The following TC2N variants were observed in gnomAD, a reference collection of about 807,000 sequenced individuals.
TC2N encodes tandem C2 domains, nuclear.
Under a neutral mutation model 61.9 loss-of-function variants are expected in TC2N, and 51 were observed. That is an observed-to-expected ratio of 0.82 (90% CI 0.66 to 1.04). TC2N has a LOEUF of 1.04. Among genes scored for constraint, TC2N ranks in the 50% least tolerant of loss-of-function variants. The probability of loss-of-function intolerance (pLI) is 0.00; values close to 1 mark genes in which losing one functional copy is unlikely to be tolerated. For missense variants in TC2N, 556 were observed against 566.7 expected (o/e 0.98, Z 0.19); for synonymous variants, 204 against 192.6 (o/e 1.06, Z -0.49).
chr14:91,801,080 G>A (rs996346924), intron 4 of TC2N, among the ~76,000 whole-genome samples: 71 of 111,406 alleles, frequency 6.4e-4, no homozygotes, highest in African/African-American at 1.5e-3. Flanking sequence ...ATGTGTGTGT[G>A]TATATATATA....
Position 91,836,688 on chromosome 14 carries a change from C to A in TC2N, c.-56-22863G>T, listed in dbSNP as rs532007409. Among the ~76,000 whole-genome samples the A allele has an allele frequency of 5.6e-3, 530 of 93,840 alleles. 2 individuals carry two copies. Among genetic ancestry groups the A allele is most frequent in the African/African-American group, 0.017 (490 of 29,292 alleles). 61.6% of individuals were successfully genotyped at this position (93,840 alleles called of 152,430 possible). A position where few individuals can be genotyped will look rare whatever the true frequency, so the allele number is the denominator to read the frequency against. On this transcript the variant is annotated intron_variant, in intron 1 of 11. Transcript: ENST00000435962. ...GGCTGGGCGCGGAGGGGCGGGGCCT[C>A]CCGCGTACCTGAGCCGCGCTGCGCC...
At chr14:91,856,874 G>T (rs938123711) in intron 1 of TC2N, among the ~76,000 whole-genome samples, 1 of 152,194 alleles carries the variant, frequency 6.6e-6, no homozygotes, top group Non-Finnish European at 1.5e-5. Flanking sequence ...CACAGAAGTG[G>T]TCTAAATTAG....
chr14:91,818,168 C>T lies in TC2N; in HGVS notation c.-56-4343G>A, dbSNP rs369396891. On this transcript the variant is annotated intron_variant, in intron 1 of 11. Transcript: ENST00000435962. ...TGAAAGTATGTGGAGAATAAGGCAG[C>T]GAGAGTTTGCATAACAGACTACTGT... is the stretch of plus-strand genomic sequence containing the variant. Among the ~76,000 whole-genome samples the T allele has an allele frequency of 2.2e-4, 33 of 152,066 alleles. No individual in the cohort carries two copies. The East Asian group carries it at 4.8e-3, about 22-fold the overall frequency.
At chr14:91,834,804 C>A (rs985972822) in intron 1 of TC2N, among the ~76,000 whole-genome samples, 2 of 152,192 alleles carry the variant, frequency 1.3e-5, no homozygotes, top group African/African-American at 4.8e-5. Context: ...CCTCAGACTC[C>A]TTGGCTGTCT....
intron 2 of TC2N, 62 bp from the exon 3 acceptor site, chr14:91,812,607 C>T (rs1435518683): frequency 3.8e-6 from 3 of 782,596 alleles, no homozygotes; most frequent in African/African-American, 1.8e-5. Context: ...ATAATCTAAA[C>T]CTAGCATACT....
intron 1 of TC2N, among the ~76,000 whole-genome samples, chr14:91,849,244 G>C (rs1888326786): frequency 6.6e-6 from 1 of 151,944 alleles, no homozygotes; most frequent in Non-Finnish European, 1.5e-5. Flanking sequence ...GAGTTGATTG[G>C]TTCATGAGAT....
At chr14:91,822,868 C>G (rs1887319153) in intron 1 of TC2N, among the ~76,000 whole-genome samples, 1 of 151,938 alleles carries the variant, frequency 6.6e-6, no homozygotes, top group Non-Finnish European at 1.5e-5. Context: ...GTGCCCACCA[C>G]CACGCATGGC....
intron 1 of TC2N, among the ~76,000 whole-genome samples, chr14:91,858,147 T>TTCG: frequency 1.1e-5 from 1 of 88,470 alleles, no homozygotes; most frequent in Admixed American, 1.3e-4. Context: ...TTCTTTCTTC[T>TTCG]TCTTCTTTTT....
intron 1 of TC2N, among the ~76,000 whole-genome samples, chr14:91,818,302 A>T (rs750722162): frequency 1.3e-5 from 2 of 152,150 alleles, no homozygotes; most frequent in Non-Finnish European, 2.9e-5. Context: ...GCTACACAAG[A>T]CTGCGGGAAA....
At chr14:91,808,734 AAG>A (rs1237279246) in intron 3 of TC2N, among the ~76,000 whole-genome samples, 1 of 152,208 alleles carries the variant, frequency 6.6e-6, no homozygotes, top group Non-Finnish European at 1.5e-5. Context: ...TCAAGAACAT[AAG>A]AAAAACTATC....
At chr14:91,788,250 T>TAA (rs1427543948) in intron 9 of TC2N, among the ~76,000 whole-genome samples, 1 of 152,072 alleles carries the variant, frequency 6.6e-6, no homozygotes, top group Non-Finnish European at 1.5e-5. Context: ...GAAGGAGACT[T>TAA]AGAGAAGAGG....
intron 1 of TC2N, among the ~76,000 whole-genome samples, chr14:91,836,016 C>T (rs1031870967): frequency 6.6e-6 from 1 of 152,138 alleles, no homozygotes; most frequent in Non-Finnish European, 1.5e-5. Flanking sequence ...GTCGCCCACC[C>T]CTGGTGCCCT....
intron 8 of TC2N, among the ~76,000 whole-genome samples, chr14:91,796,328 T>C (rs961044179): frequency 7.9e-5 from 12 of 151,980 alleles, no homozygotes; most frequent in African/African-American, 2.2e-4. Flanking sequence ...ATTTTGATCA[T>C]TGTCTTTTTC....
At chr14:91,839,780 A>G (rs1888130205) in intron 1 of TC2N, among the ~76,000 whole-genome samples, 1 of 152,196 alleles carries the variant, frequency 6.6e-6, no homozygotes, top group Non-Finnish European at 1.5e-5. Flanking sequence ...CATTTCATGT[A>G]TTTGTTCAAA....
rs1266008751 is a variant in TC2N at position 91,837,011 on chromosome 14, A to G, written c.-56-23186T>C. Among the ~76,000 whole-genome samples, 2 of 152,190 alleles carry G rather than the reference A, an allele frequency of 1.3e-5. No homozygotes were observed. The highest frequency in any genetic ancestry group is 4.1e-4 in the South Asian group (2 of 4,828). On this transcript the variant is annotated intron_variant, in intron 1 of 11. Transcript: ENST00000435962. This position sits in a 1 kb window ranked among gnomAD's most constrained non-coding sequence, Gnocchi z 4.2. ...AGCCCTGCTCTCTGCTTTTGTTGCT[A>G]TCTGCTACTGCCTTGCCATCAATGG...
At chr14:91,819,821 A>G (rs538625056) in intron 1 of TC2N, among the ~76,000 whole-genome samples, 88 of 152,328 alleles carry the variant, frequency 5.8e-4, no homozygotes, top group African/African-American at 2.0e-3. Flanking sequence ...ATGTGGTATC[A>G]TATCATTTGA....
intron 9 of TC2N, among the ~76,000 whole-genome samples, chr14:91,790,673 C>T (rs774997428): frequency 6.6e-6 from 1 of 152,088 alleles, no homozygotes; most frequent in Admixed American, 6.5e-5. Flanking sequence ...TTCTTATATA[C>T]TCTGTTTTTA....
chr14:91,867,305 C>T lies in TC2N; in HGVS notation c.-100G>A, dbSNP rs1038011138. ...CCAGAGGCAGTGGTTCGGAGGCGCTCGGTGCAAAGCTCACGTAAACCTTCA... is the reference window on the plus strand; with the variant it reads ...CCAGAGGCAGTGGTTCGGAGGCGCTTGGTGCAAAGCTCACGTAAACCTTCA... On this transcript the variant is annotated 5_prime_UTR_variant, in exon 1 of 12. Transcript: ENST00000435962. The T allele has an allele frequency of 3.3e-5, 5 of 152,136 alleles. No homozygotes were observed. Among genetic ancestry groups the T allele is most frequent in the Non-Finnish European group, 5.9e-5 (4 of 68,042 alleles). The allele number at this position is 152,136 out of a possible 1,614,324, so 9.4% of individuals were successfully genotyped here. A position where few individuals can be genotyped will look rare whatever the true frequency, so the allele number is the denominator to read the frequency against.
rs188317951 is a variant in TC2N at position 91,835,307 on chromosome 14, A to C, written c.-56-21482T>G. ...AGCAACATTACTCCCTCCTTCCAGA[A>C]AAAGCAATTTTTAACCATGCTGAAG... On this transcript the variant is annotated intron_variant, in intron 1 of 11. Transcript: ENST00000435962. 7.2e-4 allele frequency among the ~76,000 whole-genome samples: 109 copies of C among 152,348 alleles called. No homozygotes were observed. In the East Asian group the frequency reaches 0.019, roughly 27 times the overall value.
Sources: allele counts gnomAD v4.1 joint callset (sites outside exome capture counted in the v4.1 genomes callset), GRCh38; gene constraint gnomAD v4.1.1; non-coding constraint Gnocchi (gnomAD v3.1); transcripts MANE v1.5; gene names NCBI Gene and HGNC (gene_info 2026-07-23, HGNC 2026-07-21).